SLFN11: variants seen among roughly 807,000 people sequenced by gnomAD.
SLFN11 encodes schlafen family member 11.
A neutral mutation model predicts 53.4 loss-of-function variants in SLFN11; 43 were observed. That is an observed-to-expected ratio of 0.80 (90% CI 0.63 to 1.04). The LOEUF is 1.04. Ranked by LOEUF, SLFN11 falls within the 50% of genes least tolerant of loss-of-function variation. The pLI is 0.00. For missense variants in SLFN11, 990 were observed against 1,079.1 expected (o/e 0.92, Z 1.16); for synonymous variants, 389 against 394.7 (o/e 0.99, Z 0.17).
chr17:35,352,626 AAGCAC>A lies in SLFN11; in HGVS notation c.2431_2435del (p.Val811CysfsTer11). On this transcript the variant is annotated frameshift_variant, in exon 7 of 7. Coordinates refer to ENST00000685675, the MANE Select transcript of SLFN11 (RefSeq NM_001376007.1). LOFTEE classifies it low-confidence loss of function (END_TRUNC). ...GCTCCACTTCTTTTGCGGTGCTGAC[AAGCAC>A]AGCAACATCCTTTGGAGAATAGCCC... The A allele has an allele frequency of 6.2e-7, 1 of 1,614,160 alleles. No individual in the cohort carries two copies. The highest frequency in any genetic ancestry group is 8.5e-7 in the Non-Finnish European group (1 of 1,180,024).
In SLFN11 at chr17:35,353,596, G is replaced by A. The variant is rs200045726; in HGVS notation, c.1662C>T (p.Leu554=). The part of the protein sequence containing the change: ...TQHMEALLQS[L]VIVLLGFRSL... The stretch of plus-strand genomic sequence containing the variant: ...ACCTGAAGCCGAGTAAGACAATCAC[G>A]AGGGACTGCAGCAGGGCTTCCATGT... Residue 554 remains leucine, a synonymous_variant, in exon 6 of 7, where the codon CTC becomes CTT. Transcript: ENST00000685675. 2.0e-5 allele frequency: 24 copies of A among 1,180,444 alleles called. No homozygotes were observed. Among genetic ancestry groups the A allele is most frequent in the South Asian group, 3.2e-5 (2 of 62,180 alleles). 73.1% of individuals were successfully genotyped at this position (1,180,444 alleles called of 1,614,324 possible). A position where few individuals can be genotyped will look rare whatever the true frequency, so the allele number is the denominator to read the frequency against.
chr17:35,370,203 T>C (rs1356580417), intron 1 of SLFN11, among the ~76,000 whole-genome samples: 1 of 152,146 alleles, frequency 6.6e-6, no homozygotes, highest in East Asian at 1.9e-4. Flanking sequence ...ATGTGATACA[T>C]CATATCAACA....
intron 1 of SLFN11, among the ~76,000 whole-genome samples, chr17:35,371,826 G>T (rs141557247): frequency 7.6e-4 from 116 of 152,154 alleles, no homozygotes; most frequent in African/African-American, 2.5e-3. Flanking sequence ...AATAACAAAC[G>T]CTGGCAAGGA....
At chr17:35,354,372 T>A (rs1202574894) in intron 5 of SLFN11, among the ~76,000 whole-genome samples, 2 of 152,078 alleles carry the variant, frequency 1.3e-5, no homozygotes, top group Non-Finnish European at 2.9e-5. Flanking sequence ...TGAAATAACA[T>A]AAAATGTTTG....
chr17:35,368,815 G>T (rs2141987967), intron 1 of SLFN11, among the ~76,000 whole-genome samples: 1 of 152,218 alleles, frequency 6.6e-6, no homozygotes, highest in Non-Finnish European at 1.5e-5. Context: ...AGACACAGTA[G>T]GATAGCACAT....
intron 3 of SLFN11, among the ~76,000 whole-genome samples, chr17:35,366,268 G>A (rs895027213): frequency 6.6e-6 from 1 of 151,690 alleles, no homozygotes; most frequent in African/African-American, 2.4e-5. Flanking sequence ...TCTCAATAAG[G>A]GAAATAATAA....
chr17:35,359,857 A>C (rs1457162603), intron 5 of SLFN11, among the ~76,000 whole-genome samples: 2 of 152,164 alleles, frequency 1.3e-5, no homozygotes, highest in Admixed American at 6.5e-5. Context: ...ACATAAAATC[A>C]TGAGGGTAGT....
intron 5 of SLFN11, among the ~76,000 whole-genome samples, chr17:35,356,710 T>C (rs1051845755): frequency 1.3e-5 from 2 of 151,900 alleles, no homozygotes; most frequent in African/African-American, 2.4e-5. Flanking sequence ...GATGGGCCCT[T>C]GAGTTTTCCC....
At chr17:35,366,192 T>A (rs1219124715) in intron 3 of SLFN11, among the ~76,000 whole-genome samples, 1 of 152,050 alleles carries the variant, frequency 6.6e-6, no homozygotes, top group Non-Finnish European at 1.5e-5. Context: ...GACAAATAGG[T>A]CAGGGAATGA....
rs567939968 is a variant in SLFN11 at position 35,357,593 on chromosome 17, C to G, written c.1198+2650G>C. On this transcript the variant is annotated intron_variant, in intron 5 of 6. Transcript: ENST00000685675. ...TGTTTTTCTCTACTTACTTGCAAGG[C>G]CAGTTTCATGATAAACTAAATTTTA... 6.0e-5 allele frequency among the ~76,000 whole-genome samples: 9 copies of G among 150,824 alleles called. No individual in the cohort carries two copies. In the South Asian group the frequency reaches 1.5e-3, roughly 24 times the overall value.
intron 1 of SLFN11, among the ~76,000 whole-genome samples, chr17:35,368,872 A>G: frequency 6.6e-6 from 1 of 150,486 alleles, no homozygotes; most frequent in South Asian, 2.1e-4. Flanking sequence ...CTCCTGGACA[A>G]CATTTCTAGA....
chr17:35,352,236 C>G lies in SLFN11; in HGVS notation c.*120G>C, dbSNP rs1906768130. On this transcript the variant is annotated 3_prime_UTR_variant, in exon 7 of 7. Transcript: ENST00000685675. Reference sequence around the variant, plus strand: ...AAGGAGAGCCAGAAATGGGGGAGCTCCAAACTCTTTGTGTCAGCTCCGTCC... The same window carrying G: ...AAGGAGAGCCAGAAATGGGGGAGCTGCAAACTCTTTGTGTCAGCTCCGTCC... 1.2e-5 allele frequency: 16 copies of G among 1,326,336 alleles called. No homozygotes were observed. The highest frequency in any genetic ancestry group is 1.6e-5 in the Non-Finnish European group (15 of 966,570). The allele number at this position is 1,326,336 out of a possible 1,614,324, so 82.2% of individuals were successfully genotyped here. A position where few individuals can be genotyped will look rare whatever the true frequency, so the allele number is the denominator to read the frequency against.
Position 35,353,922 on chromosome 17 carries a change from C to T in SLFN11, c.1336G>A (p.Ala446Thr), listed in dbSNP as rs144863903. The T allele has an allele frequency of 3.2e-5, 51 of 1,613,910 alleles. No individual in the cohort carries two copies. In the African/African-American group the frequency reaches 6.1e-4, roughly 19 times the overall value. The change falls in exon 6 of 7, where the codon GCT (alanine) becomes ACT (threonine). Residue 446 changes from alanine (A) to threonine (T), a missense_variant. Coordinates refer to ENST00000685675, the MANE Select transcript of SLFN11 (RefSeq NM_001376007.1). ...TTCTCCTGCAAGTTCAGGTCCACAG[C>T]CCAACTTCTAGAGAAGATCAAAATT... ...RGILIFSRSW[A>T]VDLNLQEKPG... is the part of the protein sequence containing the mutation.
chr17:35,367,987 A>G (rs1597725770), intron 1 of SLFN11, among the ~76,000 whole-genome samples: 1 of 152,042 alleles, frequency 6.6e-6, no homozygotes, highest in East Asian at 1.9e-4. Context: ...AGTGGGTAGC[A>G]TCTGTGCATT....
rs754434472 is a variant in SLFN11, at chr17:35,363,264, G to A, written c.544C>T (p.Pro182Ser). 2.5e-6 allele frequency: 4 copies of A among 1,614,038 alleles called. No homozygotes were observed. Among genetic ancestry groups the A allele is most frequent in the Non-Finnish European group, 2.5e-6 (3 of 1,179,992 alleles). ...GCAGGATCCGAGTTTGGGTCAGCAG[G>A]ATCCGAGTTAGGGAGCTCTTGGTAT... ...GVYQELPNSD[P>S]ADPNSDPADL... The change falls in exon 4 of 7, where the codon CCT becomes TCT. Residue 182 changes from proline to serine, a missense_variant. Physicochemically the swap from Pro to Ser is moderately conservative, Grantham distance 74 (BLOSUM62 -1). This residue lies in a region of SLFN11 where 521 missense variants were observed against 516.2 expected (regional missense o/e 1.01). Transcript: ENST00000685675.
Position 35,353,332 on chromosome 17 carries a change from T to C in SLFN11, c.1922+4A>G. 1 of 1,613,676 alleles carries C rather than the reference T, an allele frequency of 6.2e-7. No individual in the cohort carries two copies. The highest frequency in any genetic ancestry group is 8.5e-7 in the Non-Finnish European group (1 of 1,179,882). ...ACTTAGAGACGTAAGATCCAACTGC[T>C]TACCTGATAAAGTTCCTCAGAGGCT... is the stretch of plus-strand genomic sequence containing the variant. On this transcript the variant is annotated splice_donor_region_variant and intron_variant, in intron 6 of 6. Coordinates refer to ENST00000685675, the MANE Select transcript of SLFN11 (RefSeq NM_001376007.1).
intron 3 of SLFN11, among the ~76,000 whole-genome samples, chr17:35,364,276 C>T (rs1908656499): frequency 6.6e-6 from 1 of 152,016 alleles, no homozygotes; most frequent in Non-Finnish European, 1.5e-5. Context: ...AAGAAAACAA[C>T]ATTGAAAAGG....
In SLFN11 at chr17:35,352,682, C is replaced by T. The variant is rs147143249; in HGVS notation, c.2380G>A (p.Asp794Asn). 15 of 1,613,868 alleles carry T rather than the reference C, an allele frequency of 9.3e-6. No individual in the cohort carries two copies. The highest frequency in any genetic ancestry group is 1.3e-5 in the Non-Finnish European group (15 of 1,179,980). The stretch of plus-strand genomic sequence containing the variant: ...CTATCAAAGAAGCGCCTGCACGTGT[C>T]TGCCACACAGGTCATTATTTGCTCC... ...TVEQIMTCVA[D>N]TCRRFFDRGY... Residue 794 changes from aspartate to asparagine, a missense_variant, in exon 7 of 7, where the codon GAC (aspartate) becomes AAC (asparagine). By Grantham distance (23) the Asp-to-Asn change is conservative (BLOSUM62 1). Transcript: ENST00000685675.
At position 35,352,761 on chromosome 17, in the gene SLFN11, G is replaced by A. The variant is rs377363363; in HGVS notation, c.2301C>T (p.Ala767=). 1.6e-5 allele frequency: 26 copies of A among 1,613,998 alleles called. No individual in the cohort carries two copies. The highest frequency in any genetic ancestry group is 2.0e-5 in the Non-Finnish European group (24 of 1,180,056). ...PTGCLEVFPE[A]EWSQGVQGTL... is the part of the protein sequence containing the mutation. ...TTCCCTGAACACCCTGGGACCATTC[G>A]GCTTCAGGAAATACCTCGAGGCACC... Residue 767 remains alanine, a synonymous_variant, in exon 7 of 7, where the codon GCC becomes GCT. Transcript: ENST00000685675.
Sources: gnomAD v4.1 joint callset for allele counts (sites outside exome capture counted in the v4.1 genomes callset) on GRCh38, gnomAD v4.1.1 for gene constraint, gnomAD v4.1.1 regional missense constraint, MANE v1.5 for transcripts, NCBI Gene and HGNC (gene_info 2026-07-23, HGNC 2026-07-21) for gene names.